Variants in DHX34 observed in about 807,000 individuals in gnomAD.
The protein encoded by DHX34 is DExH-box helicase 34.
In DHX34, 96 loss-of-function variants were observed where a neutral mutation model predicts 111.1. The observed-to-expected ratio is 0.86, with a 90% confidence interval of 0.73 to 1.02. The LOEUF (loss-of-function observed/expected upper bound fraction) is 1.02. DHX34 is among the 50% of genes least tolerant of loss of function. DHX34 has a pLI of 0.00. For synonymous variants in DHX34, 688 were observed against 670.4 expected, an observed-to-expected ratio of 1.03 and a Z score of -0.41; for missense variants, 1,560 against 1,579.9, an observed-to-expected ratio of 0.99 and a Z score of 0.21.
rs1026122904 is a variant in DHX34, at chr19:47,379,692, C to T, written c.2707-18C>T. On this transcript the variant is annotated intron_variant, in intron 13 of 16. Coordinates refer to ENST00000328771, the MANE Select transcript of DHX34 (RefSeq NM_014681.6). Reference sequence around the variant, plus strand: ...GCCCCTCCCACCTACTCCCTGTCTTCTGCCCCCTCTCTTTCAGTCCCTCCT... The same window carrying T: ...GCCCCTCCCACCTACTCCCTGTCTTTTGCCCCCTCTCTTTCAGTCCCTCCT... The T allele has an allele frequency of 6.3e-7, 1 of 1,582,430 alleles. No homozygotes were observed. The highest frequency in any genetic ancestry group is 8.6e-7 in the Non-Finnish European group (1 of 1,156,942).
In DHX34 at chr19:47,362,575, C is replaced by A. The variant is rs758784345; in HGVS notation, c.1475C>A (p.Ala492Glu). ...AGCGCAGAGCAGCGGAAGGGCCGGG[C>A]GGGCCGCACGGGCCCCGGAGTCTGC... is the stretch of plus-strand genomic sequence containing the variant. The part of the protein sequence containing the change: ...QASAEQRKGR[A>E]GRTGPGVCFR... Residue 492 changes from alanine (A) to glutamate (E), a missense_variant, in exon 6 of 17, where the codon GCG becomes GAG. Transcript: ENST00000328771. 4 of 1,613,210 alleles carry A rather than the reference C, an allele frequency of 2.5e-6. No individual in the cohort carries two copies. Among genetic ancestry groups the A allele is most frequent in the Non-Finnish European group, 3.4e-6 (4 of 1,179,778 alleles).
At chr19:47,370,933 C>G (rs1321700619) in intron 7 of DHX34, among the ~76,000 whole-genome samples, 1 of 152,218 alleles carries the variant, frequency 6.6e-6, no homozygotes, top group African/African-American at 2.4e-5. Context: ...CTCGGCATCC[C>G]TAAGTGCTGG....
intron 7 of DHX34, among the ~76,000 whole-genome samples, chr19:47,370,518 C>G (rs2122305229): frequency 6.6e-6 from 1 of 152,326 alleles, no homozygotes; most frequent in Non-Finnish European, 1.5e-5. Context: ...TTTCCAGCAG[C>G]CTGAGGCCCA....
At chr19:47,363,037 G>T (rs780750858) in intron 6 of DHX34, among the ~76,000 whole-genome samples, 8 of 151,814 alleles carry the variant, frequency 5.3e-5, no homozygotes, top group Non-Finnish European at 5.9e-5. Context: ...TGAAACCTCC[G>T]CCTCCCAGGT....
intron 15 of DHX34, 51 bp downstream of exon 15, chr19:47,381,043 C>T (rs1970339657): frequency 6.5e-7 from 1 of 1,541,078 alleles, no homozygotes; most frequent in South Asian, 1.3e-5. Context: ...AAGACCCCAC[C>T]ACCCCGTTTC....
chr19:47,375,890 C>G (rs1397296245), intron 10 of DHX34, 34 bp from the exon 11 acceptor site: 2 of 1,572,508 alleles, frequency 1.3e-6, no homozygotes, highest in East Asian at 2.3e-5. Context: ...CCCCTCAGGT[C>G]CCCTAAGACT....
intron 5 of DHX34, among the ~76,000 whole-genome samples, chr19:47,360,669 T>TTTG (rs58164248): frequency 0.11 from 17,128 of 149,068 alleles, 1,143 homozygotes; most frequent in African/African-American, 0.19. Flanking sequence ...TGACATTCTG[T>TTTG]TTGTTGTTGT....
chr19:47,381,758 T>A (rs1466310374), intron 16 of DHX34: 1 of 758,872 alleles, frequency 1.3e-6, no homozygotes, highest in Non-Finnish European at 1.6e-6. Context: ...TCTCCATGTC[T>A]CTCCTTGTGT....
Position 47,372,842 on chromosome 19 carries a change from G to C in DHX34, c.1881G>C (p.Glu627Asp), listed in dbSNP as rs1202922500. 6.2e-7 allele frequency: 1 copy of C among 1,612,082 alleles called. No homozygotes were observed. Among genetic ancestry groups the C allele is most frequent in the East Asian group, 2.2e-5 (1 of 44,894 alleles). The change falls in exon 8 of 17, where the codon GAG becomes GAC. Residue 627 changes from glutamate to aspartate, a missense_variant. Glu to Asp is a conservative substitution (Grantham distance 45). Transcript: ENST00000328771. ...CCCGCAGCGCCCAGAGCAGCCCAGA[G>C]TGCGCGGCAGCACGGCGGCCGCTGG... ...PFTRSAQSSP[E>D]CAAARRPLES... is the part of the protein sequence containing the mutation.
chr19:47,373,937 G>A (rs1365968009), intron 9 of DHX34, among the ~76,000 whole-genome samples: 1 of 152,154 alleles, frequency 6.6e-6, no homozygotes, highest in African/African-American at 2.4e-5. Context: ...GCATCCTCGG[G>A]AAGAGCTCGC....
At chr19:47,375,782 G>T in intron 10 of DHX34, 74 bp downstream of exon 10, 4 of 1,561,336 alleles carry the variant, frequency 2.6e-6, no homozygotes, top group Non-Finnish European at 3.4e-6. Context: ...GGTCCCAGGG[G>T]ACATGGCCCT....
rs1294749616 is a variant in DHX34, at chr19:47,379,359, C to G, written c.2707-351C>G. Reference sequence around the variant, plus strand: ...GGTAATTACAGCGCTGACTTCCGTCCTCACAGAGGAGCGTGTGCTCAGGGT... The same window carrying G: ...GGTAATTACAGCGCTGACTTCCGTCGTCACAGAGGAGCGTGTGCTCAGGGT... On this transcript the variant is annotated intron_variant, in intron 13 of 16. Transcript: ENST00000328771. 2.6e-5 allele frequency among the ~76,000 whole-genome samples: 4 copies of G among 152,278 alleles called. No homozygotes were observed. The East Asian group carries it at 7.7e-4, about 29-fold the overall frequency.
At chr19:47,354,874 G>A (rs1969402645) in intron 2 of DHX34, 165 bp from the exon 3 acceptor site, 6 of 818,308 alleles carry the variant, frequency 7.3e-6, no homozygotes, top group South Asian at 5.6e-5. Flanking sequence ...GGCGGATCTC[G>A]AACTCCCTAC....
chr19:47,375,336 C>T (rs946639833), intron 9 of DHX34, 130 bp from the exon 10 acceptor site: 21 of 1,422,654 alleles, frequency 1.5e-5, no homozygotes, highest in Non-Finnish European at 1.8e-5. Flanking sequence ...ATGCCCAGCA[C>T]CATGCGAGGG....
intron 16 of DHX34, 79 bp downstream of exon 16, chr19:47,381,403 G>A (rs2122391076): frequency 1.3e-6 from 2 of 1,542,270 alleles, no homozygotes; most frequent in Non-Finnish European, 1.8e-6. Context: ...GTGCGTGTGA[G>A]CACTTGCTAG....
At chr19:47,378,821 A>G (rs959925323) in intron 13 of DHX34, among the ~76,000 whole-genome samples, 1 of 151,326 alleles carries the variant, frequency 6.6e-6, no homozygotes, top group African/African-American at 2.4e-5. Flanking sequence ...TGGGTGACAG[A>G]GTGAGACACT....
rs765408437 is a variant in DHX34 at position 47,380,986 on chromosome 19, C to T, written c.3153C>T (p.Cys1051=). The T allele has an allele frequency of 1.6e-5, 25 of 1,576,180 alleles. No homozygotes were observed. The South Asian group carries it at 2.7e-4, about 17-fold the overall frequency. Residue 1051 remains cysteine (C), a synonymous_variant, in exon 15 of 17, where the codon TGC becomes TGT. Transcript: ENST00000328771. ...YAVTDFLTYN[C]LTNDTDLYSD... ...TCACTGACTTCCTCACCTACAACTG[C>T]CTCACGGTAAGCATGAACCCTCCTT...
chr19:47,359,885 A>G lies in DHX34; in HGVS notation c.1273-83A>G. 3 of 1,602,668 alleles carry G rather than the reference A, an allele frequency of 1.9e-6. No individual in the cohort carries two copies. The South Asian group carries it at 3.3e-5, about 18-fold the overall frequency. ...GGAAAGGGTTCCAGGGAAGCTGCTG[A>G]CACGGGGGTGGGCAAGAAATTGGAC... On this transcript the variant is annotated intron_variant, in intron 4 of 16. Transcript: ENST00000328771.
chr19:47,371,749 G>A (rs1055835831), intron 7 of DHX34, among the ~76,000 whole-genome samples: 3 of 152,102 alleles, frequency 2.0e-5, no homozygotes, highest in African/African-American at 4.8e-5. Flanking sequence ...ACAGGCGCCT[G>A]CCACCACACC....
Sources: gnomAD v4.1 joint callset for allele counts (sites outside exome capture counted in the v4.1 genomes callset) on GRCh38, gnomAD v4.1.1 for gene constraint, MANE v1.5 for transcripts, NCBI Gene and HGNC (gene_info 2026-07-23, HGNC 2026-07-21) for gene names.